Variants in LZIC observed in about 807,000 individuals in gnomAD.
The protein encoded by LZIC is leucine zipper and CTNNBIP1 domain containing, also known as protein LZIC.
LZIC carries 28 observed loss-of-function variants against 25.4 expected under a neutral mutation model. The ratio of observed to expected loss-of-function variants is 1.10; its 90% CI spans 0.82 to 1.51. LZIC has a LOEUF of 1.51. LZIC is among the 40% of genes most tolerant of loss of function. LZIC has a pLI of 0.00. For synonymous variants in LZIC, 65 were observed against 70.7 expected (o/e 0.92, Z 0.40); for missense variants, 170 against 211.1 (o/e 0.81, Z 1.21).
Position 9,935,475 on chromosome 1 carries a change from CTA to C in LZIC, c.237+15_237+16del. Reference sequence around the variant, plus strand: ...AAAAACAAAGTCTGTCCTCTGTCGCCTATATGTTATACTTACCAGCTGCATTC... The same window carrying C: ...AAAAACAAAGTCTGTCCTCTGTCGCCTATGTTATACTTACCAGCTGCATTC... On this transcript the variant is annotated intron_variant, in intron 4 of 7. Coordinates refer to ENST00000377223, the MANE Select transcript of LZIC (RefSeq NM_032368.5). 1 of 1,586,514 alleles carries C rather than the reference CTA, an allele frequency of 6.3e-7. No homozygotes were observed. Among genetic ancestry groups the C allele is most frequent in the Non-Finnish European group, 8.5e-7 (1 of 1,171,920 alleles).
Position 9,926,628 on chromosome 1 carries a change from A to G in LZIC, c.*3771T>C, listed in dbSNP as rs963216625. ...CATTGAAACATCAGAATTGTTTAAA[A>G]CACTAGATTTCATTCAATGGTCCGA... On this transcript the variant is annotated 3_prime_UTR_variant, in exon 8 of 8. Transcript: ENST00000377223. 2.0e-5 allele frequency among the ~76,000 whole-genome samples: 3 copies of G among 152,244 alleles called. No homozygotes were observed. Among genetic ancestry groups the G allele is most frequent in the African/African-American group, 7.2e-5 (3 of 41,470 alleles).
At chr1:9,931,612 C>T (rs954964717) in intron 7 of LZIC, among the ~76,000 whole-genome samples, 1 of 152,188 alleles carries the variant, frequency 6.6e-6, no homozygotes, top group Non-Finnish European at 1.5e-5. Context: ...CCATGTTGCC[C>T]AGGCTGGTCT....
chr1:9,939,151 C>T (rs528529475), intron 2 of LZIC, among the ~76,000 whole-genome samples: 4 of 152,154 alleles, frequency 2.6e-5, no homozygotes, highest in African/African-American at 9.6e-5. Context: ...GATTTCGGCT[C>T]ACTGCAACCT....
chr1:9,930,539 A>G (rs1427375303), intron 7 of LZIC, 82 bp from the exon 8 acceptor site: 4 of 1,566,854 alleles, frequency 2.6e-6, no homozygotes, highest in Non-Finnish European at 3.5e-6. Context: ...AAAATCTATC[A>G]TATAGATATT....
intron 7 of LZIC, among the ~76,000 whole-genome samples, chr1:9,931,514 G>A (rs188196865): frequency 2.2e-4 from 33 of 151,360 alleles, no homozygotes; most frequent in African/African-American, 5.3e-4. Flanking sequence ...TGCCCGCCTC[G>A]GCCTCACAAA....
chr1:9,929,336 A>G lies in LZIC; in HGVS notation c.*1063T>C. On this transcript the variant is annotated 3_prime_UTR_variant, in exon 8 of 8. Transcript: ENST00000377223. ...AGTGCAAAGAAAAAGAATATTGAGA[A>G]GCACATGAAAGAATATAAAATGGCT... The G allele has an allele frequency of 1.0e-6, 1 of 984,902 alleles. No homozygotes were observed. The highest frequency in any genetic ancestry group is 1.2e-6 in the Non-Finnish European group (1 of 829,432). 61.0% of individuals were successfully genotyped at this position (984,902 alleles called of 1,614,324 possible).
downstream of LZIC, among the ~76,000 whole-genome samples, chr1:9,922,817 G>A (rs1045161910): frequency 2.6e-5 from 4 of 152,198 alleles, no homozygotes; most frequent in Non-Finnish European, 5.9e-5. Context: ...TCTTTTCAGA[G>A]TAGGAAACAT....
Position 9,929,715 on chromosome 1 carries a change from C to T in LZIC, c.*684G>A, listed in dbSNP as rs367945585. On this transcript the variant is annotated 3_prime_UTR_variant, in exon 8 of 8. Coordinates refer to ENST00000377223, the MANE Select transcript of LZIC (RefSeq NM_032368.5). ...GACAGCTTACAGGCTGGGGGATGGT[C>T]CCTTAGTGTGCAGTCCACTTTTTAT... The T allele has an allele frequency of 1.0e-4, 101 of 985,398 alleles. No individual in the cohort carries two copies. In the East Asian group the frequency reaches 9.5e-3, roughly 93 times the overall value. The allele number at this position is 985,398 out of a possible 1,614,324, so 61.0% of individuals were successfully genotyped here.
Position 9,929,007 on chromosome 1 carries a change from G to A in LZIC, c.*1392C>T, listed in dbSNP as rs1230921798. On this transcript the variant is annotated 3_prime_UTR_variant, in exon 8 of 8. Coordinates refer to ENST00000377223, the MANE Select transcript of LZIC (RefSeq NM_032368.5). Reference sequence around the variant, plus strand: ...CACAGAGACAGGGTGCAGATTAGTGGCTATTGTTAGCAGTCGGAGGAGAAG... The same window carrying A: ...CACAGAGACAGGGTGCAGATTAGTGACTATTGTTAGCAGTCGGAGGAGAAG... 1 of 152,164 alleles carries A rather than the reference G, an allele frequency of 6.6e-6. No individual in the cohort carries two copies. The highest frequency in any genetic ancestry group is 1.5e-5 in the Non-Finnish European group (1 of 68,078). The allele number at this position is 152,164 out of a possible 1,614,324, so 9.4% of individuals were successfully genotyped here. A position where few individuals can be genotyped will look rare whatever the true frequency, so the allele number is the denominator to read the frequency against.
intron 2 of LZIC, among the ~76,000 whole-genome samples, chr1:9,937,132 G>A (rs998623772): frequency 2.0e-5 from 3 of 152,162 alleles, no homozygotes; most frequent in Non-Finnish European, 2.9e-5. Flanking sequence ...CGGTGCTCAC[G>A]CCTGTAATCC....
intron 2 of LZIC, among the ~76,000 whole-genome samples, chr1:9,939,396 C>T (rs1230469875): frequency 1.7e-5 from 2 of 117,622 alleles, no homozygotes; most frequent in African/African-American, 3.1e-5. Context: ...CACAGAGTAT[C>T]GCTCTGTCAC....
In LZIC at chr1:9,930,043, A is replaced by C; in HGVS notation, c.*356T>G. On this transcript the variant is annotated 3_prime_UTR_variant, in exon 8 of 8. Coordinates refer to ENST00000377223, the MANE Select transcript of LZIC (RefSeq NM_032368.5). The stretch of plus-strand genomic sequence containing the variant: ...CAATGAGTGGGGATAAGTTGTAAGC[A>C]GAAAAATATCATTACTTCACATCTT... 9.8e-7 allele frequency: 1 copy of C among 1,025,618 alleles called. No individual in the cohort carries two copies. The highest frequency in any genetic ancestry group is 1.2e-6 in the Non-Finnish European group (1 of 853,558). The allele number at this position is 1,025,618 out of a possible 1,614,324, so 63.5% of individuals were successfully genotyped here.
chr1:9,940,561 G>A (rs558441228), intron 2 of LZIC, among the ~76,000 whole-genome samples: 5 of 152,002 alleles, frequency 3.3e-5, no homozygotes, highest in African/African-American at 2.4e-5. Context: ...CTCGTGATCC[G>A]CCCGCCTCGG....
At chr1:9,941,004 T>G (rs2101613834) in intron 2 of LZIC, among the ~76,000 whole-genome samples, 1 of 152,302 alleles carries the variant, frequency 6.6e-6, no homozygotes, top group East Asian at 1.9e-4. Context: ...GATGACTTGC[T>G]GTTCCAAAAA....
chr1:9,927,075 GA>G lies in LZIC; in HGVS notation c.*3323del, dbSNP rs1330751255. 6.6e-6 allele frequency among the ~76,000 whole-genome samples: 1 copy of G among 152,132 alleles called. No individual in the cohort carries two copies. Among genetic ancestry groups the G allele is most frequent in the African/African-American group, 2.4e-5 (1 of 41,416 alleles). On this transcript the variant is annotated 3_prime_UTR_variant, in exon 8 of 8. Coordinates refer to ENST00000377223, the MANE Select transcript of LZIC (RefSeq NM_032368.5). ...GCCCTATTATCCTCATTGAATAGAA[GA>G]GAAAAGGAGGCTCAAAAAAATTAAG...
At position 9,929,305 on chromosome 1, in the gene LZIC, G is replaced by A; in HGVS notation, c.*1094C>T. On this transcript the variant is annotated 3_prime_UTR_variant, in exon 8 of 8. Coordinates refer to ENST00000377223, the MANE Select transcript of LZIC (RefSeq NM_032368.5). Reference sequence around the variant, plus strand: ...GAAGCTTTAAAAATGCTTTTAATTTGTATAAAGTGCAAAGAAAAAGAATAT... The same window carrying A: ...GAAGCTTTAAAAATGCTTTTAATTTATATAAAGTGCAAAGAAAAAGAATAT... 2 of 984,578 alleles carry A rather than the reference G, an allele frequency of 2.0e-6. No individual in the cohort carries two copies. Among genetic ancestry groups the A allele is most frequent in the Non-Finnish European group, 1.2e-6 (1 of 829,198 alleles). The allele number at this position is 984,578 out of a possible 1,614,324, so 61.0% of individuals were successfully genotyped here.
chr1:9,927,677 TC>T lies in LZIC; in HGVS notation c.*2721del, dbSNP rs1481368188. 1.0e-4 allele frequency among the ~76,000 whole-genome samples: 14 copies of T among 133,748 alleles called. No homozygotes were observed. The highest frequency in any genetic ancestry group is 4.0e-4 in the African/African-American group (13 of 32,612). The allele number at this position is 133,748 out of a possible 152,430, so 87.7% of individuals were successfully genotyped here. On this transcript the variant is annotated 3_prime_UTR_variant, in exon 8 of 8. Transcript: ENST00000377223. ...CAGGGTAAGGGAAGAATCTTCTTCC[TC>T]TTTTTTTTTTTTTTTTTTTTTTTGA...
chr1:9,931,788 C>A, intron 7 of LZIC, 103 bp downstream of exon 7: 3 of 682,376 alleles, frequency 4.4e-6, no homozygotes, highest in African/African-American at 1.8e-5. Context: ...CTCTTAAACT[C>A]AAGGAAAGGT....
rs910399690 is a variant in LZIC, at chr1:9,934,240, A to C, written c.336+522T>G. Among the ~76,000 whole-genome samples, 9 of 152,078 alleles carry C rather than the reference A, an allele frequency of 5.9e-5. No individual in the cohort carries two copies. In the South Asian group the frequency reaches 1.7e-3, roughly 28 times the overall value. On this transcript the variant is annotated intron_variant, in intron 5 of 7. Transcript: ENST00000377223. ...AAGACCCCATCTCAAAAAAAAAAAA[A>C]AACATAAAAAACTTGTCACATACCT...
Sources: gnomAD v4.1 joint callset for allele counts (sites outside exome capture counted in the v4.1 genomes callset) on GRCh38, gnomAD v4.1.1 for gene constraint, MANE v1.5 for transcripts, NCBI Gene and HGNC (gene_info 2026-07-23, HGNC 2026-07-21) for gene names.